MSRA: variants seen among roughly 807,000 people sequenced by gnomAD.
MSRA encodes mitochondrial peptide methionine sulfoxide reductase.
Under a neutral mutation model 31.3 loss-of-function variants are expected in MSRA, and 54 were observed. The ratio of observed to expected loss-of-function variants is 1.73; its 90% CI spans 1.39 to 2.17. The LOEUF is 2.17. MSRA is among the 30% of genes most tolerant of loss of function. The pLI is 0.00. For missense variants in MSRA, 507 were observed against 300.9 expected (o/e 1.69, Z -5.07); for synonymous variants, 169 against 116.5 (o/e 1.45, Z -2.90).
At chr8:10,297,324 C>T (rs1222701678) in intron 3 of MSRA, among the ~76,000 whole-genome samples, 1 of 152,158 alleles carries the variant, frequency 6.6e-6, no homozygotes, top group Non-Finnish European at 1.5e-5. Context: ...TCATCCTTTT[C>T]ATTTTTTCTT....
chr8:10,121,526 A>G (rs925231069), intron 1 of MSRA, among the ~76,000 whole-genome samples: 1 of 152,132 alleles, frequency 6.6e-6, no homozygotes, highest in Non-Finnish European at 1.5e-5. Flanking sequence ...GGGAAACGAG[A>G]GTTGAGTTTG....
At chr8:10,116,819 T>C (rs552064763) in intron 1 of MSRA, among the ~76,000 whole-genome samples, 2 of 152,056 alleles carry the variant, frequency 1.3e-5, no homozygotes, top group East Asian at 3.9e-4. Context: ...AATACAAAAG[T>C]AGTCGGGCGT....
chr8:10,294,756 C>T (rs1295449709), intron 3 of MSRA, among the ~76,000 whole-genome samples: 2 of 152,118 alleles, frequency 1.3e-5, no homozygotes, highest in African/African-American at 2.4e-5. Context: ...TGGAGGGGCA[C>T]CCACTCAGCT....
intron 5 of MSRA, among the ~76,000 whole-genome samples, chr8:10,328,960 A>G (rs1389709565): frequency 6.6e-6 from 1 of 152,174 alleles, no homozygotes; most frequent in Non-Finnish European, 1.5e-5. Context: ...GGTTGAGGCT[A>G]TGCTGTATAT....
chr8:10,425,681 G>A (rs1449666482), intron 5 of MSRA, among the ~76,000 whole-genome samples: 1 of 152,238 alleles, frequency 6.6e-6, no homozygotes, highest in East Asian at 1.9e-4. Flanking sequence ...AGGGCCGGGA[G>A]CGAGGCCCGT....
chr8:10,320,079 C>T (rs193138880), intron 5 of MSRA, 90 bp downstream of exon 5: 7 of 760,576 alleles, frequency 9.2e-6, no homozygotes, highest in Non-Finnish European at 1.5e-5. Flanking sequence ...TGCTTTTCAA[C>T]TGGAATTGTG....
At chr8:10,270,006 GGTTT>G (rs996026522) in intron 3 of MSRA, among the ~76,000 whole-genome samples, 2 of 152,128 alleles carry the variant, frequency 1.3e-5, no homozygotes, top group African/African-American at 4.8e-5. Flanking sequence ...TACCTTGAAG[GGTTT>G]GTTATGAGTG....
At chr8:10,219,984 G>A (rs1810352533) in intron 2 of MSRA, among the ~76,000 whole-genome samples, 1 of 151,900 alleles carries the variant, frequency 6.6e-6, no homozygotes, top group African/African-American at 2.4e-5. Flanking sequence ...TAAGAAGTGG[G>A]ATTCAGTTGA....
intron 5 of MSRA, among the ~76,000 whole-genome samples, chr8:10,351,597 G>A (rs959740278): frequency 1.3e-5 from 2 of 152,178 alleles, no homozygotes; most frequent in Admixed American, 1.3e-4. Flanking sequence ...AAAAGTGAAA[G>A]GTTTCTGTGA....
In MSRA at chr8:10,224,861, A is replaced by G. The variant is rs1398855697; in HGVS notation, c.211+16960A>G. 2.0e-5 allele frequency among the ~76,000 whole-genome samples: 3 copies of G among 152,110 alleles called. 1 individual carries two copies. Among genetic ancestry groups the G allele is most frequent in the Non-Finnish European group, 4.4e-5 (3 of 68,018 alleles). On this transcript the variant is annotated intron_variant, in intron 2 of 5. Coordinates refer to ENST00000317173, the MANE Select transcript of MSRA (RefSeq NM_012331.5). The stretch of plus-strand genomic sequence containing the variant: ...TCCTAGCCTTTTTTAAATGAACACT[A>G]CTACTAGGGCCGGGCGCAGTGGGCT...
chr8:10,417,250 C>T (rs1014245927), intron 5 of MSRA, among the ~76,000 whole-genome samples: 5 of 152,126 alleles, frequency 3.3e-5, no homozygotes, highest in African/African-American at 4.8e-5. Context: ...CCCCTTTGAA[C>T]GCGCTCCTTG....
intron 4 of MSRA, among the ~76,000 whole-genome samples, chr8:10,305,511 T>G (rs1275148879): frequency 6.6e-6 from 1 of 151,444 alleles, no homozygotes; most frequent in Non-Finnish European, 1.5e-5. Context: ...CTTCACAGGT[T>G]CAAGTGATTC....
In MSRA at chr8:10,428,551, G is replaced by A; in HGVS notation, c.*239G>A. 2.1e-6 allele frequency: 1 copy of A among 466,876 alleles called. No individual in the cohort carries two copies. The highest frequency in any genetic ancestry group is 3.8e-6 in the Non-Finnish European group (1 of 261,732). The allele number at this position is 466,876 out of a possible 1,614,324, so 28.9% of individuals were successfully genotyped here. A position where few individuals can be genotyped will look rare whatever the true frequency, so the allele number is the denominator to read the frequency against. On this transcript the variant is annotated 3_prime_UTR_variant, in exon 6 of 6. Coordinates refer to ENST00000317173, the MANE Select transcript of MSRA (RefSeq NM_012331.5). Reference sequence around the variant, plus strand: ...CTGTGCAGTTTCCTGTGTCTTCTGGGGTCTGAGTGAAGATAGCAGGGATGC... The same window carrying A: ...CTGTGCAGTTTCCTGTGTCTTCTGGAGTCTGAGTGAAGATAGCAGGGATGC...
intron 5 of MSRA, among the ~76,000 whole-genome samples, chr8:10,406,978 T>C (rs1807857885): frequency 6.6e-6 from 1 of 152,240 alleles, no homozygotes; most frequent in Non-Finnish European, 1.5e-5. Flanking sequence ...TCTGGGCTCA[T>C]GTAATCCTTC....
At chr8:10,199,474 C>T (rs995038610) in intron 1 of MSRA, among the ~76,000 whole-genome samples, 9 of 152,260 alleles carry the variant, frequency 5.9e-5, no homozygotes, top group South Asian at 2.1e-4. Context: ...TGCGCGCCAC[C>T]GTGCCCTGCT....
chr8:10,055,087 A>C (rs1802264075), intron 1 of MSRA, among the ~76,000 whole-genome samples: 1 of 152,074 alleles, frequency 6.6e-6, no homozygotes, highest in Admixed American at 6.5e-5. Flanking sequence ...GGCTGGTGCG[A>C]GTGTTGTCCC....
At chr8:10,311,556 T>C (rs1801433183) in intron 4 of MSRA, among the ~76,000 whole-genome samples, 1 of 152,300 alleles carries the variant, frequency 6.6e-6, no homozygotes, top group East Asian at 1.9e-4. Flanking sequence ...ATTAAAATCA[T>C]GTAGCTTTTT....
chr8:10,158,752 A>G (rs1377165302), intron 1 of MSRA, among the ~76,000 whole-genome samples: 1 of 152,198 alleles, frequency 6.6e-6, no homozygotes, highest in African/African-American at 2.4e-5. Flanking sequence ...GTATCTAGGA[A>G]TGGAATTGCT....
intron 4 of MSRA, among the ~76,000 whole-genome samples, chr8:10,311,086 A>T (rs1335526961): frequency 6.6e-6 from 1 of 152,232 alleles, no homozygotes; most frequent in East Asian, 1.9e-4. Context: ...GACTTCACAT[A>T]AAAGAGTACT....
Sources: allele counts gnomAD v4.1 joint callset (sites outside exome capture counted in the v4.1 genomes callset), GRCh38; gene constraint gnomAD v4.1.1; transcripts MANE v1.5; gene names NCBI Gene and HGNC (gene_info 2026-07-23, HGNC 2026-07-21).